UHRF2: variants seen among roughly 807,000 people sequenced by gnomAD.
UHRF2 encodes ubiquitin like with PHD and ring finger domains 2, also known as E3 ubiquitin-protein ligase UHRF2.
Under a neutral mutation model 96.8 loss-of-function variants are expected in UHRF2, and 23 were observed. That is an observed-to-expected ratio of 0.24 (90% CI 0.17 to 0.34). UHRF2 has a LOEUF of 0.34. Ranked by LOEUF, UHRF2 falls within the 10% of genes least tolerant of loss-of-function variation. UHRF2 has a pLI of 1.00. For missense variants in UHRF2, 685 were observed against 981.5 expected (o/e 0.70, Z 4.04); for synonymous variants, 385 against 332.6 (o/e 1.16, Z -1.72).
intron 2 of UHRF2, among the ~76,000 whole-genome samples, chr9:6,429,223 C>T (rs1160915887): frequency 6.6e-6 from 1 of 151,760 alleles, no homozygotes; most frequent in African/African-American, 2.4e-5. Context: ...AGTTGGAGAA[C>T]CTGTATTCTC....
At chr9:6,491,072 T>G (rs1824627611) in intron 9 of UHRF2, among the ~76,000 whole-genome samples, 1 of 152,240 alleles carries the variant, frequency 6.6e-6, no homozygotes, top group Non-Finnish European at 1.5e-5. Flanking sequence ...AGTTAATATT[T>G]TAGCCTAGTA....
At position 6,479,950 on chromosome 9, in the gene UHRF2, G is replaced by A. The variant is rs540748218; in HGVS notation, c.1161-1693G>A. ...ATGTACTATCCGTTCTCCCATAGCA[G>A]CAGAATGAGCTTAAAAAGGCCTGAA... On this transcript the variant is annotated intron_variant, in intron 6 of 15. Transcript: ENST00000276893. 2.6e-5 allele frequency among the ~76,000 whole-genome samples: 4 copies of A among 152,176 alleles called. No individual in the cohort carries two copies. The East Asian group carries it at 7.7e-4, about 29-fold the overall frequency.
intron 4 of UHRF2, among the ~76,000 whole-genome samples, chr9:6,469,674 G>A (rs1430224904): frequency 2.2e-4 from 33 of 151,254 alleles, no homozygotes; most frequent in Admixed American, 2.0e-3. Flanking sequence ...GTGTGTGTGT[G>A]TGTATGTATA....
intron 3 of UHRF2, among the ~76,000 whole-genome samples, chr9:6,459,531 T>TG (rs1822396124): frequency 1.3e-5 from 2 of 151,464 alleles, no homozygotes; most frequent in East Asian, 3.9e-4. Flanking sequence ...TAACCAGGAG[T>TG]GGTGGCACAT....
At chr9:6,417,179 C>T (rs1819655656) in intron 1 of UHRF2, among the ~76,000 whole-genome samples, 1 of 152,164 alleles carries the variant, frequency 6.6e-6, no homozygotes, top group African/African-American at 2.4e-5. Flanking sequence ...TTCCACTTGG[C>T]ATTTGCTTTC....
chr9:6,488,841 C>T (rs1190742487), intron 9 of UHRF2, among the ~76,000 whole-genome samples: 1 of 148,768 alleles, frequency 6.7e-6, no homozygotes, highest in African/African-American at 2.5e-5. Context: ...GAGATAGAGT[C>T]TCACTCTGTC....
intron 5 of UHRF2, among the ~76,000 whole-genome samples, chr9:6,477,398 TG>T (rs1313355033): frequency 6.6e-6 from 1 of 151,108 alleles, no homozygotes; most frequent in African/African-American, 2.4e-5. Context: ...TGGTGGCACA[TG>T]CCTGTAATCC....
intron 1 of UHRF2, among the ~76,000 whole-genome samples, chr9:6,420,572 A>G (rs1161355533): frequency 6.6e-6 from 1 of 151,662 alleles, no homozygotes; most frequent in East Asian, 2.0e-4. Context: ...GGGCATGATG[A>G]CGGGCACCTG....
At chr9:6,490,955 A>C (rs1203309998) in intron 9 of UHRF2, among the ~76,000 whole-genome samples, 1 of 152,254 alleles carries the variant, frequency 6.6e-6, no homozygotes, top group South Asian at 2.1e-4. Flanking sequence ...CATTTAAGAA[A>C]AAAAGTTTCC....
rs1254538718 is a variant in UHRF2, at chr9:6,413,448, T to A, written c.-43T>A. On this transcript the variant is annotated 5_prime_UTR_variant, in exon 1 of 16. Coordinates refer to ENST00000276893, the MANE Select transcript of UHRF2 (RefSeq NM_152896.3). ...CCGGGCGGGGCGCGGCGCCCAGAGC[T>A]CAGGGGGAGACAAAGGGGACCGGTT... is the stretch of plus-strand genomic sequence containing the variant. 3 of 1,445,504 alleles carry A rather than the reference T, an allele frequency of 2.1e-6. No individual in the cohort carries two copies. The highest frequency in any genetic ancestry group is 2.8e-6 in the Non-Finnish European group (3 of 1,084,842). The allele number at this position is 1,445,504 out of a possible 1,614,324, so 89.5% of individuals were successfully genotyped here. A position where few individuals can be genotyped will look rare whatever the true frequency, so the allele number is the denominator to read the frequency against.
chr9:6,414,091 G>C (rs1035600634), intron 1 of UHRF2: 2 of 154,448 alleles, frequency 1.3e-5, no homozygotes, highest in African/African-American at 4.8e-5. Flanking sequence ...GCTCTTCCGC[G>C]TCTTCGGCTC....
At chr9:6,455,629 G>T (rs1405543227) in intron 3 of UHRF2, among the ~76,000 whole-genome samples, 10 of 152,138 alleles carry the variant, frequency 6.6e-5, no homozygotes, top group African/African-American at 2.4e-4. Context: ...TAATTTTATA[G>T]AAGCCAGTGT....
intron 1 of UHRF2, among the ~76,000 whole-genome samples, chr9:6,417,355 T>C (rs918413196): frequency 4.6e-5 from 7 of 152,204 alleles, no homozygotes; most frequent in Non-Finnish European, 1.0e-4. Context: ...TTCTCAAACA[T>C]TTGCTTTTGA....
chr9:6,434,685 C>A (rs1435331356), intron 3 of UHRF2, among the ~76,000 whole-genome samples: 2 of 152,094 alleles, frequency 1.3e-5, no homozygotes, highest in African/African-American at 4.8e-5. Flanking sequence ...GTGATCTGCC[C>A]CCCTTGGCCT....
At chr9:6,431,510 C>T (rs146666373) in intron 2 of UHRF2, among the ~76,000 whole-genome samples, 68 of 152,012 alleles carry the variant, frequency 4.5e-4, no homozygotes, top group African/African-American at 1.5e-3. Flanking sequence ...AGTTTGAGTT[C>T]AGGAGTAGGA....
At chr9:6,485,683 G>A (rs1563797613) in intron 8 of UHRF2, among the ~76,000 whole-genome samples, 3 of 142,914 alleles carry the variant, frequency 2.1e-5, no homozygotes, top group South Asian at 4.4e-4. Context: ...CAATTGTATT[G>A]GCCAGGCGTG....
At chr9:6,422,695 G>T (rs1056191623) in intron 2 of UHRF2, 6 of 583,512 alleles carry the variant, frequency 1.0e-5, no homozygotes, top group African/African-American at 9.5e-5. Flanking sequence ...CTGTAGCCTT[G>T]ACCTGCTGGG....
intron 8 of UHRF2, among the ~76,000 whole-genome samples, chr9:6,482,421 A>G (rs1403289063): frequency 6.6e-6 from 1 of 152,192 alleles, no homozygotes; most frequent in Non-Finnish European, 1.5e-5. Flanking sequence ...TCATGTGGCA[A>G]ATTCTCATTG....
At chr9:6,419,350 C>G (rs1023686001) in intron 1 of UHRF2, among the ~76,000 whole-genome samples, 1 of 152,158 alleles carries the variant, frequency 6.6e-6, no homozygotes, top group Non-Finnish European at 1.5e-5. Context: ...AATTTATTCA[C>G]TATTCTTCCT....
Sources: gnomAD v4.1 joint callset for allele counts (sites outside exome capture counted in the v4.1 genomes callset) on GRCh38, gnomAD v4.1.1 for gene constraint, MANE v1.5 for transcripts, NCBI Gene and HGNC (gene_info 2026-07-23, HGNC 2026-07-21) for gene names.